SYT5: variants seen among roughly 807,000 people sequenced by gnomAD.
SYT5 encodes synaptotagmin 5.
A neutral mutation model predicts 36.0 loss-of-function variants in SYT5; 29 were observed. The ratio of observed to expected loss-of-function variants is 0.81; its 90% confidence interval spans 0.60 to 1.10. The LOEUF (loss-of-function observed/expected upper bound fraction) is 1.10, where lower values mean the gene tolerates loss of function less well. Ranked by LOEUF, SYT5 falls within the 50% of genes least tolerant of loss-of-function variation. SYT5 has a pLI of 0.00. For synonymous variants in SYT5, 231 were observed against 227.6 expected (o/e 1.02, Z -0.14); for missense variants, 512 against 516.0 (o/e 0.99, Z 0.08).
intron 7 of SYT5, 76 bp downstream of exon 7, chr19:55,174,806 G>A: frequency 6.3e-7 from 1 of 1,578,056 alleles, no homozygotes; most frequent in African/African-American, 1.3e-5. Flanking sequence ...AGAAACCCTC[G>A]AGGCTCAGAA....
Position 55,174,937 on chromosome 19 carries a change from G to A in SYT5, c.771C>T (p.Thr257=). ...LRYVPTAGKL[T]VIVLEAKNLK... is the part of the protein sequence containing the mutation. ...GGTTTTTAGCCTCCAGGACGATGAC[G>A]GTGAGCTTCCCGGCCGTGGGGACAT... Residue 257 remains threonine, a synonymous_variant, in exon 7 of 9, where the codon ACC becomes ACT. Coordinates refer to ENST00000354308, the MANE Select transcript of SYT5 (RefSeq NM_003180.3). The A allele has an allele frequency of 1.9e-6, 3 of 1,614,122 alleles. No homozygotes were observed. Among genetic ancestry groups the A allele is most frequent in the Non-Finnish European group, 2.5e-6 (3 of 1,180,018 alleles).
intron 3 of SYT5, chr19:55,177,471 A>G (rs2086089296): frequency 6.6e-6 from 1 of 152,162 alleles, no homozygotes; most frequent in Non-Finnish European, 1.5e-5. Context: ...CCTCTGTTTT[A>G]AACTTTTTCC....
In SYT5 at chr19:55,175,317, C is replaced by A. The variant is rs761407756; in HGVS notation, c.563G>T (p.Gly188Val). The change falls in exon 6 of 9, where the codon GGC (glycine) becomes GTC (valine). Residue 188 changes from glycine to valine, a missense_variant. Gly to Val is a moderately radical substitution (Grantham distance 109). Coordinates refer to ENST00000354308, the MANE Select transcript of SYT5 (RefSeq NM_003180.3). The surrounding 1 kb of genome is among the most constrained non-coding windows in gnomAD (Gnocchi z 4.5). ...GTACACCGCCATGACCAGCACCCTG[C>A]CCCCCAGCTCCACGTAGGGGACCTG... ...AFKVPYVELG[G>V]RVLVMAVYDF... The A allele has an allele frequency of 1.9e-6, 3 of 1,544,638 alleles. No homozygotes were observed. The highest frequency in any genetic ancestry group is 1.2e-5 in the South Asian group (1 of 80,326).
chr19:55,177,851 G>A (rs931201467), intron 3 of SYT5, among the ~76,000 whole-genome samples: 3 of 152,180 alleles, frequency 2.0e-5, no homozygotes, highest in Non-Finnish European at 2.9e-5. Context: ...CACCGCACCC[G>A]GCCCAGAGCC....
intron 3 of SYT5, among the ~76,000 whole-genome samples, chr19:55,176,525 C>CA (rs1471921445): frequency 6.6e-6 from 1 of 152,154 alleles, no homozygotes; most frequent in African/African-American, 2.4e-5. Context: ...GGAGAAATGG[C>CA]ATATTTACTG....
In SYT5 at chr19:55,173,233, C is replaced by T. The variant is rs974684025; in HGVS notation, c.*251G>A. On this transcript the variant is annotated 3_prime_UTR_variant, in exon 9 of 9. Coordinates refer to ENST00000354308, the MANE Select transcript of SYT5 (RefSeq NM_003180.3). The surrounding 1 kb of genome is among the most constrained non-coding windows in gnomAD (Gnocchi z 5.4). ...CCCGGGGGCAGGAGAAACCAGGCTG[C>T]CTTCCCTTCCCGGGGTCCCTGGGGC... 3.0e-5 allele frequency: 12 copies of T among 398,784 alleles called. No homozygotes were observed. The highest frequency in any genetic ancestry group is 5.3e-5 in the Non-Finnish European group (12 of 227,196). 24.7% of individuals were successfully genotyped at this position (398,784 alleles called of 1,614,324 possible).
Position 55,174,641 on chromosome 19 carries a change from A to T in SYT5, c.836T>A (p.Val279Asp). Residue 279 changes from valine (V) to aspartate (D), a missense_variant, in exon 8 of 9, where the codon GTC (valine) becomes GAC (aspartate). Coordinates refer to ENST00000354308, the MANE Select transcript of SYT5 (RefSeq NM_003180.3). ...GCCGCCCTGCAGCAGGTGGACCTTG[A>T]CGTATGGATCTGGGGAGAGGAAGGA... ...MDVGGLSDPYVKVHLLQGGKK... is the reference protein window; with the variant it reads ...MDVGGLSDPYDKVHLLQGGKK... 6.2e-7 allele frequency: 1 copy of T among 1,613,956 alleles called. No individual in the cohort carries two copies. The highest frequency in any genetic ancestry group is 8.5e-7 in the Non-Finnish European group (1 of 1,179,968).
Position 55,174,992 on chromosome 19 carries a change from T to G in SYT5, c.716A>C (p.Lys239Thr), listed in dbSNP as rs143785511. ...LQAAPREEQEKLGDICFSLRY... is the reference protein window; with the variant it reads ...LQAAPREEQETLGDICFSLRY... ...GAGGGAGAAGCAGATGTCCCCAAGC[T>G]TCTCCTGCTGAAAGGAGAGGGGCCC... Residue 239 changes from lysine to threonine, a missense_variant, in exon 7 of 9, where the codon AAG becomes ACG. Transcript: ENST00000354308. 2.5e-6 allele frequency: 4 copies of G among 1,613,324 alleles called. No homozygotes were observed. The highest frequency in any genetic ancestry group is 3.4e-6 in the Non-Finnish European group (4 of 1,180,006).
chr19:55,174,720 C>CT, intron 7 of SYT5, 70 bp from the exon 8 acceptor site: 1 of 1,607,194 alleles, frequency 6.2e-7, no homozygotes, highest in Non-Finnish European at 8.5e-7. Flanking sequence ...GAAACACTGC[C>CT]TACACCCTTC....
In SYT5 at chr19:55,174,969, G is replaced by C. The variant is rs774831619; in HGVS notation, c.739C>G (p.Leu247Val). The stretch of plus-strand genomic sequence containing the variant: ...TTCCCGGCCGTGGGGACATAGCGGA[G>C]GGAGAAGCAGATGTCCCCAAGCTTC... Reference protein sequence around the residue: ...QEKLGDICFSLRYVPTAGKLT... With the variant: ...QEKLGDICFSVRYVPTAGKLT... Residue 247 changes from leucine to valine, a missense_variant, in exon 7 of 9, where the codon CTC becomes GTC. Physicochemically the swap from Leu to Val is conservative, Grantham distance 32. Coordinates refer to ENST00000354308, the MANE Select transcript of SYT5 (RefSeq NM_003180.3). 84 of 1,613,884 alleles carry C rather than the reference G, an allele frequency of 5.2e-5. No individual in the cohort carries two copies. Among genetic ancestry groups the C allele is most frequent in the Non-Finnish European group, 6.6e-5 (78 of 1,180,034 alleles).
In SYT5 at chr19:55,175,834, C is replaced by T. The variant is rs1322823837; in HGVS notation, c.415G>A (p.Asp139Asn). ...ILQAMGLAALDLGGSSDPYVR... is the reference protein window; with the variant it reads ...ILQAMGLAALNLGGSSDPYVR... ...TAGGGGTCCGAGGAGCCACCAAGATCCAAGGCTGCCAATCCCATTGCTTGC... is the reference window on the plus strand; with the variant it reads ...TAGGGGTCCGAGGAGCCACCAAGATTCAAGGCTGCCAATCCCATTGCTTGC... The change falls in exon 5 of 9, where the codon GAT becomes AAT. Residue 139 changes from aspartate (D) to asparagine (N), a missense_variant. By Grantham distance (23) the Asp-to-Asn change is conservative. Coordinates refer to ENST00000354308, the MANE Select transcript of SYT5 (RefSeq NM_003180.3). This position sits in a 1 kb window ranked among gnomAD's most constrained non-coding sequence, Gnocchi z 4.5. 1 of 1,614,070 alleles carries T rather than the reference C, an allele frequency of 6.2e-7. No individual in the cohort carries two copies. The highest frequency in any genetic ancestry group is 8.5e-7 in the Non-Finnish European group (1 of 1,180,028).
In SYT5 at chr19:55,172,709, AG is replaced by A. The variant is rs2086018378; in HGVS notation, c.*774del. The A allele has an allele frequency of 6.6e-6, 1 of 152,072 alleles. No homozygotes were observed. The highest frequency in any genetic ancestry group is 6.6e-5 in the Admixed American group (1 of 15,254). The allele number at this position is 152,072 out of a possible 1,614,324, so 9.4% of individuals were successfully genotyped here. A position where few individuals can be genotyped will look rare whatever the true frequency, so the allele number is the denominator to read the frequency against. On this transcript the variant is annotated 3_prime_UTR_variant, in exon 9 of 9. Coordinates refer to ENST00000354308, the MANE Select transcript of SYT5 (RefSeq NM_003180.3). ...GCCCCAGCACTCAACAGAAGACCTC[AG>A]GGAATATGGAATGGAAGGAAGAAAA...
chr19:55,174,788 G>C (rs993036929), intron 7 of SYT5, 94 bp downstream of exon 7: 7 of 1,568,630 alleles, frequency 4.5e-6, no homozygotes, highest in Non-Finnish European at 6.1e-6. Flanking sequence ...GGTCCTCCCT[G>C]TCCCCGAAGA....
rs888482669 is a variant in SYT5 at position 55,173,845 on chromosome 19, G to A, written c.961-161C>T. 6.9e-5 allele frequency: 44 copies of A among 641,614 alleles called. No homozygotes were observed. Among genetic ancestry groups the A allele is most frequent in the Admixed American group, 1.3e-4 (3 of 22,964 alleles). The allele number at this position is 641,614 out of a possible 1,614,324, so 39.7% of individuals were successfully genotyped here. A position where few individuals can be genotyped will look rare whatever the true frequency, so the allele number is the denominator to read the frequency against. On this transcript the variant is annotated intron_variant, in intron 8 of 8. Transcript: ENST00000354308. The surrounding 1 kb of genome is among the most constrained non-coding windows in gnomAD (Gnocchi z 5.4). ...GGAGGGGGTGGGAGACGAGAGGGAC[G>A]GAGCCTGCGGCGAGGAGGAGGCTCT...
At chr19:55,178,488 A>C in intron 2 of SYT5, 120 bp from the exon 3 acceptor site, 1 of 1,204,168 alleles carries the variant, frequency 8.3e-7, no homozygotes, top group Non-Finnish European at 1.1e-6. Context: ...TTTTCATTGC[A>C]TTTCTTCCTG....
intron 3 of SYT5, 41 bp from the exon 4 acceptor site, chr19:55,176,165 G>T: frequency 1.2e-6 from 2 of 1,612,834 alleles, no homozygotes; most frequent in Non-Finnish European, 1.7e-6. Context: ...GTCTTCCCCT[G>T]ATAGCAGTAT....
At position 55,171,199 on chromosome 19, in the gene SYT5, A is replaced by C. The variant is rs2086002828; in HGVS notation, c.*2285T>G. 6.6e-6 allele frequency: 1 copy of C among 152,070 alleles called. No homozygotes were observed. Among genetic ancestry groups the C allele is most frequent in the Admixed American group, 6.6e-5 (1 of 15,256 alleles). The allele number at this position is 152,070 out of a possible 1,614,324, so 9.4% of individuals were successfully genotyped here. A position where few individuals can be genotyped will look rare whatever the true frequency, so the allele number is the denominator to read the frequency against. The stretch of plus-strand genomic sequence containing the variant: ...AAGCACAGTTTGGACTCATTTGTCA[A>C]CTGGGAATAATGATCATGTTTATTT... On this transcript the variant is annotated 3_prime_UTR_variant, in exon 9 of 9. Coordinates refer to ENST00000354308, the MANE Select transcript of SYT5 (RefSeq NM_003180.3).
Position 55,174,559 on chromosome 19 carries a change from G to T in SYT5, c.918C>A (p.Tyr306Ter). ...GCACCTCGAAGCTGAAAGCTTCGTT[G>T]TAATAGGGGTTCAGAGTGTTCTTCT... ...TIKKNTLNPYYNEAFSFEVPC... is the reference protein window; with the variant it reads ...TIKKNTLNPY The change falls in exon 8 of 9, where the codon TAC (tyrosine) becomes TAA (stop). Residue 306 changes from tyrosine (Y) to a stop codon, truncating the protein, a stop_gained. Transcript: ENST00000354308. LOFTEE classifies it low-confidence loss of function (END_TRUNC). 1 of 1,614,120 alleles carries T rather than the reference G, an allele frequency of 6.2e-7. No homozygotes were observed. Among genetic ancestry groups the T allele is most frequent in the Non-Finnish European group, 8.5e-7 (1 of 1,179,986 alleles).
intron 3 of SYT5, 97 bp downstream of exon 3, chr19:55,178,099 T>C: frequency 1.4e-6 from 2 of 1,407,448 alleles, no homozygotes; most frequent in African/African-American, 2.9e-5. Context: ...GGTGGGTTCC[T>C]ATAGGACAGA....
Sources: gnomAD v4.1 joint callset for allele counts (sites outside exome capture counted in the v4.1 genomes callset) on GRCh38, gnomAD v4.1.1 for gene constraint, Gnocchi (gnomAD v3.1) non-coding constraint, MANE v1.5 for transcripts, NCBI Gene and HGNC (gene_info 2026-07-23, HGNC 2026-07-21) for gene names.